Variants in SGCZ observed in about 807,000 individuals in gnomAD.
SGCZ encodes sarcoglycan zeta.
SGCZ carries 40 observed loss-of-function variants against 41.3 expected under a neutral mutation model. That is an observed-to-expected ratio of 0.97 (90% CI 0.75 to 1.26). The LOEUF is 1.26. Among genes scored for constraint, SGCZ ranks in the 50% most tolerant of loss-of-function variants. The pLI, the probability that SGCZ is intolerant of heterozygous loss-of-function variation, is 0.00. For synonymous variants in SGCZ, 206 were observed against 137.5 expected, an observed-to-expected ratio of 1.50 and a Z score of -3.49; for missense variants, 552 against 369.8, an observed-to-expected ratio of 1.49 and a Z score of -4.04.
intron 1 of SGCZ, among the ~76,000 whole-genome samples, chr8:14,712,424 C>T (rs768006332): frequency 9.2e-5 from 14 of 152,264 alleles, no homozygotes; most frequent in South Asian, 2.1e-4. Flanking sequence ...AGTTCATTCC[C>T]AAGATGTTTC....
At chr8:14,762,064 A>G (rs1408967370) in intron 1 of SGCZ, among the ~76,000 whole-genome samples, 1 of 152,204 alleles carries the variant, frequency 6.6e-6, no homozygotes, top group African/African-American at 2.4e-5. Flanking sequence ...AAATTGAGAC[A>G]GATGCCACAT....
intron 3 of SGCZ, among the ~76,000 whole-genome samples, chr8:14,308,385 C>A (rs1280478884): frequency 6.6e-6 from 1 of 152,042 alleles, no homozygotes; most frequent in African/African-American, 2.4e-5. Context: ...AGAGAACTAT[C>A]TGCAGTATTT....
chr8:14,711,099 C>A (rs547911679), intron 1 of SGCZ, among the ~76,000 whole-genome samples: 2 of 152,224 alleles, frequency 1.3e-5, no homozygotes, highest in African/African-American at 4.8e-5. Flanking sequence ...ATGAAGTCCA[C>A]AATTACTTGT....
At chr8:15,167,398 G>T (rs1198261212) in intron 1 of SGCZ, among the ~76,000 whole-genome samples, 1 of 152,116 alleles carries the variant, frequency 6.6e-6, no homozygotes, top group African/African-American at 2.4e-5. Flanking sequence ...GGTCAGTAAA[G>T]ACTGTCACTT....
chr8:14,293,883 G>A (rs1800925871), intron 3 of SGCZ, among the ~76,000 whole-genome samples: 1 of 151,708 alleles, frequency 6.6e-6, no homozygotes, highest in Admixed American at 6.6e-5. Context: ...ACATTCAGGA[G>A]CCAAATCTTA....
intron 3 of SGCZ, among the ~76,000 whole-genome samples, chr8:14,316,560 T>C (rs1004811545): frequency 6.6e-6 from 1 of 152,102 alleles, no homozygotes; most frequent in Non-Finnish European, 1.5e-5. Context: ...CCATGTTACT[T>C]GACCTATCAG....
At chr8:14,267,746 T>G (rs1473579958) in intron 3 of SGCZ, among the ~76,000 whole-genome samples, 2 of 152,014 alleles carry the variant, frequency 1.3e-5, no homozygotes, top group Non-Finnish European at 2.9e-5. Flanking sequence ...GTGTGAGGAG[T>G]TTGGGCTCAT....
At chr8:14,933,626 T>C (rs1441584634) in intron 1 of SGCZ, among the ~76,000 whole-genome samples, 1 of 151,790 alleles carries the variant, frequency 6.6e-6, no homozygotes, top group Non-Finnish European at 1.5e-5. Flanking sequence ...CTTTTTTCTG[T>C]ATTTTTTAGT....
intron 1 of SGCZ, among the ~76,000 whole-genome samples, chr8:15,224,804 A>AT (rs1397714095): frequency 2.0e-5 from 3 of 152,208 alleles, no homozygotes; most frequent in Non-Finnish European, 4.4e-5. Context: ...AAAAGCTGAT[A>AT]TAGCTATATT....
At chr8:15,232,212 G>A (rs775765228) in intron 1 of SGCZ, among the ~76,000 whole-genome samples, 11 of 152,214 alleles carry the variant, frequency 7.2e-5, no homozygotes, top group East Asian at 1.9e-4. Flanking sequence ...AAGAAACAGC[G>A]CACTAAATAT....
At chr8:15,037,874 T>G (rs559529365) in intron 1 of SGCZ, among the ~76,000 whole-genome samples, 1 of 152,128 alleles carries the variant, frequency 6.6e-6, no homozygotes, top group Non-Finnish European at 1.5e-5. Context: ...ATCCCATTTA[T>G]AATGGCTCAA....
At chr8:15,171,855 A>G (rs1205629787) in intron 1 of SGCZ, among the ~76,000 whole-genome samples, 2 of 152,282 alleles carry the variant, frequency 1.3e-5, no homozygotes, top group East Asian at 3.9e-4. Flanking sequence ...GCAACTGCAT[A>G]TTCATTGCCA....
intron 1 of SGCZ, among the ~76,000 whole-genome samples, chr8:14,969,434 C>G (rs935579564): frequency 6.6e-6 from 1 of 152,060 alleles, no homozygotes; most frequent in Non-Finnish European, 1.5e-5. Flanking sequence ...TTCGACATAT[C>G]TATACAACTA....
chr8:14,421,142 G>A (rs1476587407), intron 2 of SGCZ, among the ~76,000 whole-genome samples: 1 of 152,096 alleles, frequency 6.6e-6, no homozygotes, highest in Non-Finnish European at 1.5e-5. Context: ...AGAGGATTAT[G>A]TCAGAATGCC....
intron 1 of SGCZ, among the ~76,000 whole-genome samples, chr8:15,063,911 C>G (rs1191762550): frequency 1.3e-5 from 2 of 152,068 alleles, no homozygotes; most frequent in African/African-American, 4.8e-5. Context: ...GAGTGTTGCC[C>G]TGAGTCAAGG....
intron 1 of SGCZ, among the ~76,000 whole-genome samples, chr8:14,935,467 G>A (rs1396543648): frequency 2.0e-5 from 3 of 150,410 alleles, no homozygotes; most frequent in African/African-American, 7.5e-5. Context: ...GAGAAAAAAA[G>A]GTAGATGTTA....
intron 1 of SGCZ, among the ~76,000 whole-genome samples, chr8:14,834,621 T>C (rs1421254199): frequency 2.0e-5 from 3 of 152,310 alleles, no homozygotes; most frequent in African/African-American, 7.2e-5. Context: ...AACTATTGGA[T>C]GGCCTTTTTA....
chr8:14,418,411 A>C (rs2117298008), intron 2 of SGCZ, among the ~76,000 whole-genome samples: 1 of 152,062 alleles, frequency 6.6e-6, no homozygotes, highest in Non-Finnish European at 1.5e-5. Context: ...AGATAGAATT[A>C]GTTTGTGAGA....
At chr8:14,594,986 T>G (rs574038207) in intron 1 of SGCZ, among the ~76,000 whole-genome samples, 1 of 152,058 alleles carries the variant, frequency 6.6e-6, no homozygotes, top group South Asian at 2.1e-4. Context: ...TAGTAAAGCC[T>G]TTGTTATATA....
Sources: allele counts gnomAD v4.1 joint callset (sites outside exome capture counted in the v4.1 genomes callset), GRCh38; gene constraint gnomAD v4.1.1; transcripts MANE v1.5; gene names NCBI Gene and HGNC (gene_info 2026-07-23, HGNC 2026-07-21).